The following TACR3 variants were observed in gnomAD, a reference collection of about 807,000 sequenced individuals.
TACR3 encodes the protein tachykinin receptor 3.
In TACR3, 34 loss-of-function variants were observed where a neutral mutation model predicts 35.0. The ratio of observed to expected loss-of-function variants is 0.97; its 90% CI spans 0.74 to 1.30. TACR3 has a LOEUF of 1.30. Among genes scored for constraint, TACR3 ranks in the 50% most tolerant of loss-of-function variants. TACR3 has a pLI of 0.00. For missense variants in TACR3, 558 were observed against 591.7 expected, an observed-to-expected ratio of 0.94 and a Z score of 0.59; for synonymous variants, 233 against 221.1, an observed-to-expected ratio of 1.05 and a Z score of -0.48.
intron 3 of TACR3, among the ~76,000 whole-genome samples, chr4:103,618,173 C>CT (rs1305335056): frequency 6.6e-6 from 1 of 152,124 alleles, no homozygotes; most frequent in Non-Finnish European, 1.5e-5. Flanking sequence ...GAGAAGAGTA[C>CT]TTCCTAGATT....
At chr4:103,620,455 C>A (rs1724750207) in intron 3 of TACR3, among the ~76,000 whole-genome samples, 2 of 152,224 alleles carry the variant, frequency 1.3e-5, no homozygotes, top group Admixed American at 1.3e-4. Context: ...ATACGTTCAT[C>A]ACTGCATATT....
intron 1 of TACR3, among the ~76,000 whole-genome samples, chr4:103,702,444 C>T (rs901938543): frequency 2.0e-5 from 3 of 152,168 alleles, no homozygotes; most frequent in African/African-American, 7.2e-5. Flanking sequence ...CACTTTTACA[C>T]TGTTGGTGGG....
At chr4:103,608,722 T>G (rs538378726) in intron 3 of TACR3, among the ~76,000 whole-genome samples, 1 of 152,116 alleles carries the variant, frequency 6.6e-6, no homozygotes, top group Non-Finnish European at 1.5e-5. Flanking sequence ...TTATGCTTTC[T>G]AACAGAGTAT....
intron 1 of TACR3, among the ~76,000 whole-genome samples, chr4:103,689,600 A>T (rs1560532686): frequency 6.6e-6 from 1 of 152,098 alleles, no homozygotes; most frequent in Non-Finnish European, 1.5e-5. Flanking sequence ...GCATCAAGGA[A>T]TTTAAAGGTA....
At chr4:103,657,380 A>G (rs2110330156) in intron 2 of TACR3, among the ~76,000 whole-genome samples, 1 of 152,212 alleles carries the variant, frequency 6.6e-6, no homozygotes. Context: ...AAGATGTATT[A>G]ATAATATGAA....
chr4:103,666,648 A>G (rs956183843), intron 1 of TACR3, among the ~76,000 whole-genome samples: 1 of 152,204 alleles, frequency 6.6e-6, no homozygotes, highest in Non-Finnish European at 1.5e-5. Flanking sequence ...AAAATGCTGC[A>G]TCAGTAAAGA....
At chr4:103,704,587 C>T (rs1722744412) in intron 1 of TACR3, among the ~76,000 whole-genome samples, 1 of 152,144 alleles carries the variant, frequency 6.6e-6, no homozygotes, top group Non-Finnish European at 1.5e-5. Context: ...ATAAAATCAT[C>T]AGATCCCACG....
intron 3 of TACR3, among the ~76,000 whole-genome samples, chr4:103,607,107 C>T (rs1452917434): frequency 6.6e-6 from 1 of 152,090 alleles, no homozygotes; most frequent in Non-Finnish European, 1.5e-5. Flanking sequence ...TGTAATCCAG[C>T]ATATAAACAG....
chr4:103,595,309 G>A (rs946333502), intron 3 of TACR3, among the ~76,000 whole-genome samples: 2 of 152,076 alleles, frequency 1.3e-5, no homozygotes, highest in East Asian at 1.9e-4. Flanking sequence ...ATCTCTCATC[G>A]TGTCTTAATA....
intron 1 of TACR3, among the ~76,000 whole-genome samples, chr4:103,711,568 C>G (rs1183360547): frequency 6.6e-6 from 1 of 152,162 alleles, no homozygotes; most frequent in Non-Finnish European, 1.5e-5. Flanking sequence ...GAAGCATTCC[C>G]TTTGAAAACT....
chr4:103,711,996 G>T (rs1418848344), intron 1 of TACR3, among the ~76,000 whole-genome samples: 2 of 152,074 alleles, frequency 1.3e-5, no homozygotes, highest in East Asian at 3.9e-4. Context: ...CATAAAAGAG[G>T]ACACAAAGAA....
At chr4:103,677,279 A>G (rs191204644) in intron 1 of TACR3, among the ~76,000 whole-genome samples, 2 of 151,854 alleles carry the variant, frequency 1.3e-5, no homozygotes, top group Non-Finnish European at 2.9e-5. Flanking sequence ...AATTATTTCA[A>G]TCATTGTGGA....
intron 3 of TACR3, among the ~76,000 whole-genome samples, chr4:103,623,861 T>C (rs935712232): frequency 6.6e-6 from 1 of 152,152 alleles, no homozygotes; most frequent in Non-Finnish European, 1.5e-5. Context: ...GTAGACTCGT[T>C]TTCGGATGAT....
At position 103,689,574 on chromosome 4, in the gene TACR3, AAG is replaced by A. The variant is rs1267493863; in HGVS notation, c.548+29552_548+29553del. 2.0e-5 allele frequency among the ~76,000 whole-genome samples: 3 copies of A among 152,224 alleles called. No individual in the cohort carries two copies. In the East Asian group the frequency reaches 5.8e-4, roughly 29 times the overall value. Reference sequence around the variant, plus strand: ...AACAATAAAACCTCTAAATATTTTTAAGTTAGCAGAAGAAAGCATCAAGGAAT... The same window carrying A: ...AACAATAAAACCTCTAAATATTTTTATTAGCAGAAGAAAGCATCAAGGAAT... On this transcript the variant is annotated intron_variant, in intron 1 of 4. Transcript: ENST00000304883.
Position 103,587,533 on chromosome 4 carries a change from T to G in TACR3, c.*2149A>C, listed in dbSNP as rs1174343921. 1.3e-5 allele frequency: 2 copies of G among 152,106 alleles called. No homozygotes were observed. Among genetic ancestry groups the G allele is most frequent in the African/African-American group, 2.4e-5 (1 of 41,448 alleles). 9.4% of individuals were successfully genotyped at this position (152,106 alleles called of 1,614,324 possible). A position where few individuals can be genotyped will look rare whatever the true frequency, so the allele number is the denominator to read the frequency against. ...AATGTCTTAGAAAATTCTACTGAAT[T>G]TCTCTAATATGTGAGGGCCAGGAGT... is the stretch of plus-strand genomic sequence containing the variant. On this transcript the variant is annotated 3_prime_UTR_variant, in exon 5 of 5. Transcript: ENST00000304883.
intron 3 of TACR3, among the ~76,000 whole-genome samples, chr4:103,629,850 C>CAAAAAA (rs1170682602): frequency 1.1e-5 from 1 of 90,082 alleles, no homozygotes; most frequent in Non-Finnish European, 2.2e-5. Context: ...CTAAGCAAAA[C>CAAAAAA]AAAAAAAAAA....
intron 3 of TACR3, among the ~76,000 whole-genome samples, chr4:103,598,807 G>T (rs529183209): frequency 1.3e-5 from 2 of 152,212 alleles, no homozygotes; most frequent in East Asian, 3.9e-4. Flanking sequence ...TGTTCCATTG[G>T]TCTATATATC....
chr4:103,705,182 T>C (rs1391529991), intron 1 of TACR3, among the ~76,000 whole-genome samples: 14 of 152,146 alleles, frequency 9.2e-5, no homozygotes, highest in Admixed American at 9.2e-4. Flanking sequence ...ATCACCCTCC[T>C]AAGAGATTTT....
intron 1 of TACR3, among the ~76,000 whole-genome samples, chr4:103,697,797 T>A (rs897597388): frequency 3.3e-5 from 5 of 152,212 alleles, no homozygotes; most frequent in Admixed American, 2.6e-4. Flanking sequence ...TTAGACTTGA[T>A]AACTTTTAAT....
Sources: gnomAD v4.1 joint callset for allele counts (sites outside exome capture counted in the v4.1 genomes callset) on GRCh38, gnomAD v4.1.1 for gene constraint, MANE v1.5 for transcripts, NCBI Gene and HGNC (gene_info 2026-07-23, HGNC 2026-07-21) for gene names.